Variants in B3GALT1 observed in about 807,000 individuals in gnomAD.
B3GALT1 encodes the protein UDP-Gal:betaGlcNAc beta 1,3-galactosyltransferase, polypeptide 1.
In B3GALT1, 10 loss-of-function variants were observed where a neutral mutation model predicts 23.2. The observed-to-expected ratio is 0.43, with a 90% CI of 0.27 to 0.73. The LOEUF (loss-of-function observed/expected upper bound fraction) is 0.73. Among genes scored for constraint, B3GALT1 ranks in the 30% least tolerant of loss-of-function variants. The pLI, the probability that B3GALT1 is intolerant of heterozygous loss-of-function variation, is 0.21. For synonymous variants in B3GALT1, 156 were observed against 141.5 expected, an observed-to-expected ratio of 1.10 and a Z score of -0.73; for missense variants, 299 against 405.4, an observed-to-expected ratio of 0.74 and a Z score of 2.25.
Position 167,818,800 on chromosome 2 carries a change from G to A in B3GALT1, c.-230+7G>A, listed in dbSNP as rs961774965. Among the ~76,000 whole-genome samples the A allele has an allele frequency of 3.9e-5, 6 of 152,040 alleles. No individual in the cohort carries two copies. The highest frequency in any genetic ancestry group is 5.9e-5 in the Non-Finnish European group (4 of 68,018). ...AGCACGCTGGAGCCAACAGGTAGGC[G>A]AGAAACCAGGTAGGCGAGAAACACG... On this transcript the variant is annotated splice_region_variant and intron_variant, in intron 4 of 4. Transcript: ENST00000392690.
chr2:167,400,633 C>T (rs754394820), intron 1 of B3GALT1, among the ~76,000 whole-genome samples: 2 of 152,016 alleles, frequency 1.3e-5, no homozygotes, highest in Non-Finnish European at 2.9e-5. Flanking sequence ...TGAAGATCTC[C>T]CTCTCAATTC....
At chr2:167,543,214 G>A (rs996802123) in intron 2 of B3GALT1, among the ~76,000 whole-genome samples, 1 of 152,060 alleles carries the variant, frequency 6.6e-6, no homozygotes, top group African/African-American at 2.4e-5. Context: ...AACAGAATAA[G>A]GTGAGAAAAG....
At chr2:167,761,811 A>G (rs1687903429) in intron 3 of B3GALT1, among the ~76,000 whole-genome samples, 2 of 152,052 alleles carry the variant, frequency 1.3e-5, no homozygotes, top group South Asian at 2.1e-4. Flanking sequence ...TAAGTCCTAC[A>G]AACACATTCA....
intron 1 of B3GALT1, among the ~76,000 whole-genome samples, chr2:167,444,059 TGA>T (rs1698941591): frequency 6.6e-6 from 1 of 152,242 alleles, no homozygotes; most frequent in Non-Finnish European, 1.5e-5. Flanking sequence ...CCTAATTTAC[TGA>T]GAGTTTTTAG....
At chr2:167,696,777 T>C (rs1298517477) in intron 3 of B3GALT1, among the ~76,000 whole-genome samples, 1 of 152,218 alleles carries the variant, frequency 6.6e-6, no homozygotes, top group Admixed American at 6.5e-5. Context: ...CAGGTTTCTA[T>C]AGATATTGAC....
chr2:167,706,865 T>C (rs1686974296), intron 3 of B3GALT1, among the ~76,000 whole-genome samples: 1 of 152,246 alleles, frequency 6.6e-6, no homozygotes, highest in Non-Finnish European at 1.5e-5. Flanking sequence ...TAAATCTCTG[T>C]CCAATCCTCT....
chr2:167,766,357 A>G (rs866793021), intron 3 of B3GALT1, among the ~76,000 whole-genome samples: 32 of 152,320 alleles, frequency 2.1e-4, no homozygotes, highest in Middle Eastern at 6.8e-3. Context: ...TCGTAGCCAC[A>G]TAGGAAAATC....
chr2:167,600,932 G>A (rs1684866620), intron 2 of B3GALT1, among the ~76,000 whole-genome samples: 1 of 152,130 alleles, frequency 6.6e-6, no homozygotes. Context: ...AAACATAGGA[G>A]TAGAAGTGCT....
At chr2:167,717,214 A>G (rs561265927) in intron 3 of B3GALT1, among the ~76,000 whole-genome samples, 1 of 134,906 alleles carries the variant, frequency 7.4e-6, no homozygotes, top group East Asian at 2.6e-4. Context: ...CTTTCCTTTG[A>G]TTTTTCTTTC....
Position 167,801,199 on chromosome 2 carries a change from G to A in B3GALT1, c.-351-17473G>A, listed in dbSNP as rs144227167. Among the ~76,000 whole-genome samples the A allele has an allele frequency of 3.3e-5, 5 of 152,314 alleles. No individual in the cohort carries two copies. The East Asian group carries it at 5.8e-4, about 18-fold the overall frequency. ...TGAATATAGATCCTTCAGAGCAATA[G>A]TGAAAACAAAACCAGTTGATGTGTA... is the stretch of plus-strand genomic sequence containing the variant. On this transcript the variant is annotated intron_variant, in intron 3 of 4. Transcript: ENST00000392690.
At chr2:167,319,332 C>T (rs1393647032) in intron 1 of B3GALT1, among the ~76,000 whole-genome samples, 1 of 152,086 alleles carries the variant, frequency 6.6e-6, no homozygotes, top group African/African-American at 2.4e-5. Context: ...TTGCAATTTT[C>T]TTCTCTGATA....
intron 1 of B3GALT1, among the ~76,000 whole-genome samples, chr2:167,484,497 A>C (rs996085486): frequency 1.3e-5 from 2 of 152,188 alleles, no homozygotes; most frequent in Non-Finnish European, 2.9e-5. Context: ...CATTGTTTGA[A>C]TCCATAAAAG....
At chr2:167,781,996 C>G (rs1574259737) in intron 3 of B3GALT1, among the ~76,000 whole-genome samples, 1 of 152,226 alleles carries the variant, frequency 6.6e-6, no homozygotes, top group Non-Finnish European at 1.5e-5. Flanking sequence ...GCCCGCCTCG[C>G]CCTCCCAAAG....
intron 4 of B3GALT1, among the ~76,000 whole-genome samples, chr2:167,840,066 C>T (rs1466659710): frequency 6.6e-6 from 1 of 152,170 alleles, no homozygotes; most frequent in Non-Finnish European, 1.5e-5. Context: ...GACCTAAAAC[C>T]ATAAAAACCC....
chr2:167,385,238 ACT>A (rs1697908608), intron 1 of B3GALT1, among the ~76,000 whole-genome samples: 1 of 151,912 alleles, frequency 6.6e-6, no homozygotes, highest in African/African-American at 2.4e-5. Flanking sequence ...TCTTCCACCT[ACT>A]CTGTTTGTCT....
intron 3 of B3GALT1, among the ~76,000 whole-genome samples, chr2:167,813,719 A>G (rs964301373): frequency 6.6e-6 from 1 of 152,316 alleles, no homozygotes; most frequent in African/African-American, 2.4e-5. Flanking sequence ...ACTCTGATAC[A>G]TGTGCAGCTT....
intron 1 of B3GALT1, among the ~76,000 whole-genome samples, chr2:167,475,373 A>T (rs962085495): frequency 1.3e-5 from 2 of 152,234 alleles, no homozygotes; most frequent in East Asian, 1.9e-4. Context: ...ATAATGGCAC[A>T]AAAGTATAAA....
intron 3 of B3GALT1, among the ~76,000 whole-genome samples, chr2:167,722,667 C>T (rs1687253663): frequency 6.6e-6 from 1 of 152,138 alleles, no homozygotes; most frequent in Non-Finnish European, 1.5e-5. Context: ...AAGCTGATGG[C>T]TTTGAATTAG....
chr2:167,726,278 A>G (rs6710727), intron 3 of B3GALT1, among the ~76,000 whole-genome samples: 31,188 of 152,112 alleles, frequency 0.21, 3,697 homozygotes, highest in East Asian at 0.41. Flanking sequence ...TTTCAAGCCC[A>G]GAGGCCTTAC....
Sources: allele counts gnomAD v4.1 joint callset (sites outside exome capture counted in the v4.1 genomes callset), GRCh38; gene constraint gnomAD v4.1.1; transcripts MANE v1.5; gene names NCBI Gene and HGNC (gene_info 2026-07-23, HGNC 2026-07-21).